The following TARBP1 variants were observed in gnomAD, a reference collection of about 807,000 sequenced individuals.
TARBP1 encodes the protein tRNA guanosine 2 -O-methyltransferase TARBP1, also known as tRNA (guanosine(18)-2'-O)-methyltransferase TARBP1.
A neutral mutation model predicts 178.6 loss-of-function variants in TARBP1; 144 were observed. The observed-to-expected ratio is 0.81, with a 90% confidence interval of 0.70 to 0.93. The LOEUF (loss-of-function observed/expected upper bound fraction) is 0.93. Ranked by LOEUF, TARBP1 falls within the 40% of genes least tolerant of loss-of-function variation. TARBP1 has a pLI of 0.00. For synonymous variants in TARBP1, 787 were observed against 781.0 expected (o/e 1.01, Z -0.13); for missense variants, 2,067 against 2,011.7 (o/e 1.03, Z -0.53).
At position 234,432,133 on chromosome 1, in the gene TARBP1, TCCAAAAAAAAAAAAAAAAAG is replaced by T. The variant is rs1320687901; in HGVS notation, c.2394+1257_2394+1276del. Among the ~76,000 whole-genome samples the T allele has an allele frequency of 5.8e-5, 6 of 103,972 alleles. No individual in the cohort carries two copies. The East Asian group carries it at 2.0e-3, about 35-fold the overall frequency. The allele number at this position is 103,972 out of a possible 152,430, so 68.2% of individuals were successfully genotyped here. ...CTTGGCAAAAGAGCGAAACTCCGTC[TCCAAAAAAAAAAAAAAAAAG>T]CCTTGAGGCCAGGCACGGTGGCTCA... On this transcript the variant is annotated intron_variant, in intron 14 of 29. Transcript: ENST00000040877.
chr1:234,439,570 A>C (rs1665384280), intron 12 of TARBP1, among the ~76,000 whole-genome samples: 1 of 152,218 alleles, frequency 6.6e-6, no homozygotes, highest in Non-Finnish European at 1.5e-5. Context: ...TCATGCCTGT[A>C]ATCTTAGCAC....
chr1:234,429,388 GTTCAA>G (rs771164913), intron 16 of TARBP1, 23 bp downstream of exon 16: 1 of 1,588,958 alleles, frequency 6.3e-7, no homozygotes, highest in Non-Finnish European at 8.5e-7. Flanking sequence ...TATAGTTACT[GTTCAA>G]TTCATGTTTC....
At chr1:234,464,346 A>G (rs1668212101) in intron 5 of TARBP1, among the ~76,000 whole-genome samples, 1 of 152,242 alleles carries the variant, frequency 6.6e-6, no homozygotes, top group African/African-American at 2.4e-5. Flanking sequence ...GCAAAGACAT[A>G]TATTAGTAAT....
chr1:234,457,799 A>T, intron 8 of TARBP1, 43 bp from the exon 9 acceptor site: 1 of 1,453,670 alleles, frequency 6.9e-7, no homozygotes, highest in Non-Finnish European at 9.5e-7. Flanking sequence ...TCGTATTAAA[A>T]TGTTTAATTG....
chr1:234,404,761 C>G (rs189312807), intron 24 of TARBP1, among the ~76,000 whole-genome samples: 4 of 152,204 alleles, frequency 2.6e-5, no homozygotes, highest in Admixed American at 2.0e-4. Flanking sequence ...CATCTCCCCA[C>G]AGCTAACTCT....
intron 7 of TARBP1, 45 bp downstream of exon 7, chr1:234,460,216 A>G: frequency 6.4e-7 from 1 of 1,556,244 alleles, no homozygotes; most frequent in African/African-American, 1.4e-5. Context: ...ATTGATGGAA[A>G]GTCATGGCAA....
At chr1:234,428,857 C>G (rs550016226) in intron 17 of TARBP1, among the ~76,000 whole-genome samples, 97 of 152,294 alleles carry the variant, frequency 6.4e-4, no homozygotes, top group African/African-American at 2.2e-3. Context: ...GATTTCCCAA[C>G]AATTAAAAGT....
chr1:234,418,658 G>A (rs1287405366), intron 21 of TARBP1, among the ~76,000 whole-genome samples: 10 of 152,174 alleles, frequency 6.6e-5, no homozygotes, highest in Non-Finnish European at 1.5e-4. Context: ...AGAGGGGCAG[G>A]TCTTGGGCCA....
chr1:234,444,684 C>A (rs1450512737), intron 12 of TARBP1, among the ~76,000 whole-genome samples: 1 of 139,400 alleles, frequency 7.2e-6, no homozygotes, highest in Non-Finnish European at 1.6e-5. Context: ...CACTCTATCT[C>A]CTCTTTCCTT....
intron 12 of TARBP1, 67 bp from the exon 13 acceptor site, chr1:234,437,439 T>G: frequency 1.4e-6 from 1 of 711,508 alleles, no homozygotes; most frequent in Non-Finnish European, 2.3e-6. Context: ...ACACCAGATA[T>G]TCTAGTAAAT....
intron 6 of TARBP1, among the ~76,000 whole-genome samples, chr1:234,461,765 G>A (rs772532038): frequency 4.6e-5 from 7 of 152,074 alleles, no homozygotes; most frequent in Admixed American, 2.6e-4. Flanking sequence ...ATTTAATTAC[G>A]ATTATTTATA....
chr1:234,470,591 A>G lies in TARBP1; in HGVS notation c.1099+597T>C, dbSNP rs1295789043. Among the ~76,000 whole-genome samples, 7 of 145,518 alleles carry G rather than the reference A, an allele frequency of 4.8e-5. No individual in the cohort carries two copies. The East Asian group carries it at 1.4e-3, about 29-fold the overall frequency. On this transcript the variant is annotated intron_variant, in intron 3 of 29. Transcript: ENST00000040877. ...AATTAACCTTATCTCTTAATTGTAG[A>G]AAATTCTGTGGCTATTTTAAATTGT...
chr1:234,437,732 C>T (rs116713595), intron 12 of TARBP1, among the ~76,000 whole-genome samples: 3,575 of 152,308 alleles, frequency 0.023, 56 homozygotes, highest in South Asian at 0.062. Flanking sequence ...ATGTTTCTCC[C>T]TCTGGTCCTC....
chr1:234,427,686 C>T lies in TARBP1; in HGVS notation c.3141G>A (p.Trp1047Ter). The stretch of plus-strand genomic sequence containing the variant: ...GGGACACATTTGAAGCAGACACTAT[C>T]CAAGACTGACAGCAGTAACTTATCA... ...NTLISYCCQSWIVSASNVSQG... is the reference protein window; with the variant it reads ...NTLISYCCQS Residue 1047 changes from tryptophan (W) to a stop codon, truncating the protein, a stop_gained, in exon 18 of 30, where the codon TGG becomes TGA. Coordinates refer to ENST00000040877, the MANE Select transcript of TARBP1 (RefSeq NM_005646.4). LOFTEE classifies it high-confidence loss of function. 1 of 1,562,888 alleles carries T rather than the reference C, an allele frequency of 6.4e-7. No homozygotes were observed. Among genetic ancestry groups the T allele is most frequent in the Non-Finnish European group, 8.6e-7 (1 of 1,162,968 alleles).
At chr1:234,422,573 T>C (rs1041945091) in intron 20 of TARBP1, among the ~76,000 whole-genome samples, 9 of 152,162 alleles carry the variant, frequency 5.9e-5, no homozygotes, top group African/African-American at 2.2e-4. Flanking sequence ...AGAATGATGG[T>C]TGCCACAGAG....
intron 13 of TARBP1, among the ~76,000 whole-genome samples, chr1:234,435,917 TAG>T (rs1447900021): frequency 2.0e-5 from 3 of 152,140 alleles, no homozygotes; most frequent in African/African-American, 7.2e-5. Context: ...TTTTTTCCCC[TAG>T]AGAGTCAGTC....
intron 26 of TARBP1, among the ~76,000 whole-genome samples, 170 bp from the exon 27 acceptor site, chr1:234,394,007 A>G (rs1401679388): frequency 6.6e-6 from 1 of 152,228 alleles, no homozygotes; most frequent in Non-Finnish European, 1.5e-5. Flanking sequence ...TTCAGACACA[A>G]TTCCCATTTG....
chr1:234,476,032 A>G (rs1401521159), intron 1 of TARBP1, among the ~76,000 whole-genome samples: 1 of 151,938 alleles, frequency 6.6e-6, no homozygotes, highest in Non-Finnish European at 1.5e-5. Context: ...GACATAAAAA[A>G]AAGCGACTCC....
chr1:234,477,326 T>C (rs1156379821), intron 1 of TARBP1, among the ~76,000 whole-genome samples: 1 of 152,242 alleles, frequency 6.6e-6, no homozygotes, highest in Non-Finnish European at 1.5e-5. Flanking sequence ...GTTCAAATAT[T>C]TACTCTCTAA....
Sources: allele counts gnomAD v4.1 joint callset (sites outside exome capture counted in the v4.1 genomes callset), GRCh38; gene constraint gnomAD v4.1.1; transcripts MANE v1.5; gene names NCBI Gene and HGNC (gene_info 2026-07-23, HGNC 2026-07-21).